Variants in AOPEP observed in about 807,000 individuals in gnomAD.
AOPEP encodes aminopeptidase O.
AOPEP carries 77 observed loss-of-function variants against 98.1 expected under a neutral mutation model. The observed-to-expected ratio is 0.78, with a 90% CI of 0.65 to 0.95. The LOEUF (loss-of-function observed/expected upper bound fraction) is 0.95, where lower values mean the gene tolerates loss of function less well. AOPEP is among the 40% of genes least tolerant of loss of function. AOPEP has a pLI of 0.00. For missense variants in AOPEP, 1,024 were observed against 1,024.7 expected (o/e 1.00, Z 0.01); for synonymous variants, 346 against 365.3 (o/e 0.95, Z 0.60).
chr9:95,108,250 T>C, the AOPEP span, among the ~76,000 whole-genome samples: 2 of 151,998 alleles, frequency 1.3e-5, no homozygotes, highest in African/African-American at 2.4e-5. Context: ...CGTGAGAAAC[T>C]GCACCATCGG....
chr9:94,963,706 A>G (rs996162508), intron 9 of AOPEP, among the ~76,000 whole-genome samples: 1 of 152,122 alleles, frequency 6.6e-6, no homozygotes, highest in Non-Finnish European at 1.5e-5. Context: ...ACTTTGTCAA[A>G]TTTTTCTAGA....
At chr9:94,998,378 T>C (rs1372100412) in intron 11 of AOPEP, among the ~76,000 whole-genome samples, 1 of 152,072 alleles carries the variant, frequency 6.6e-6, no homozygotes, top group African/African-American at 2.4e-5. Flanking sequence ...GGAAGCACTT[T>C]GTAAAGCCTT....
intron 5 of AOPEP, among the ~76,000 whole-genome samples, chr9:94,802,120 C>T (rs1357889689): frequency 2.0e-5 from 3 of 152,074 alleles, no homozygotes; most frequent in Non-Finnish European, 2.9e-5. Flanking sequence ...TATTTGGTTA[C>T]GTGCATCATA....
intron 1 of AOPEP, among the ~76,000 whole-genome samples, chr9:94,744,767 T>G (rs1834084955): frequency 6.6e-6 from 1 of 151,668 alleles, no homozygotes; most frequent in Non-Finnish European, 1.5e-5. Flanking sequence ...AATTATTTAG[T>G]TTAAATTATA....
At chr9:94,979,009 CTT>C (rs1464404674) in intron 10 of AOPEP, among the ~76,000 whole-genome samples, 1 of 152,114 alleles carries the variant, frequency 6.6e-6, no homozygotes, top group Non-Finnish European at 1.5e-5. Flanking sequence ...TCAGATTTCA[CTT>C]TGTTTCACTA....
intron 10 of AOPEP, among the ~76,000 whole-genome samples, 181 bp from the exon 11 acceptor site, chr9:94,979,186 C>T (rs542604801): frequency 2.6e-5 from 4 of 152,218 alleles, no homozygotes; most frequent in South Asian, 2.1e-4. Context: ...TGAAGAGGAG[C>T]GGTCTCATGT....
chr9:94,852,919 T>C (rs1158479693), intron 5 of AOPEP, among the ~76,000 whole-genome samples: 1 of 152,190 alleles, frequency 6.6e-6, no homozygotes, highest in African/African-American at 2.4e-5. Context: ...TTTTCATTGA[T>C]TATAGGTATT....
intron 5 of AOPEP, chr9:94,921,061 CTG>C (rs939244825): frequency 7.9e-6 from 1 of 126,342 alleles, no homozygotes; most frequent in African/African-American, 3.2e-5. Context: ...ATAATCAACT[CTG>C]TGATTTAAAA....
At chr9:95,055,190 T>C (rs2066718271) in intron 13 of AOPEP, among the ~76,000 whole-genome samples, 1 of 152,218 alleles carries the variant, frequency 6.6e-6, no homozygotes, top group Non-Finnish European at 1.5e-5. Flanking sequence ...TATGTGTATG[T>C]ATTATTAAGT....
chr9:94,862,389 G>A (rs529521629), intron 5 of AOPEP, among the ~76,000 whole-genome samples: 1 of 152,260 alleles, frequency 6.6e-6, no homozygotes, highest in East Asian at 1.9e-4. Flanking sequence ...TGGGGTGAAT[G>A]GGGAGGTAAA....
chr9:95,108,782 G>GTCTT, the AOPEP span, among the ~76,000 whole-genome samples: 15 of 152,222 alleles, frequency 9.9e-5, no homozygotes, highest in Admixed American at 6.5e-4. Flanking sequence ...TATACTTCTT[G>GTCTT]TCTTTTTTCT....
chr9:94,750,579 G>T (rs370170677), intron 1 of AOPEP, among the ~76,000 whole-genome samples: 1 of 151,644 alleles, frequency 6.6e-6, no homozygotes, highest in South Asian at 2.1e-4. Flanking sequence ...GCGAGACTCC[G>T]TCTCAAAAAA....
At chr9:94,805,208 A>G (rs1283074492) in intron 5 of AOPEP, among the ~76,000 whole-genome samples, 5 of 151,346 alleles carry the variant, frequency 3.3e-5, no homozygotes, top group East Asian at 3.9e-4. Flanking sequence ...TACCTATACC[A>G]TCTCCCGACT....
At chr9:94,736,311 A>G (rs532120251) in intron 1 of AOPEP, among the ~76,000 whole-genome samples, 1 of 152,252 alleles carries the variant, frequency 6.6e-6, no homozygotes, top group African/African-American at 2.4e-5. Context: ...TTTTCTTCAT[A>G]GCAGAACATT....
At position 94,803,259 on chromosome 9, in the gene AOPEP, C is replaced by T. The variant is rs1489464962; in HGVS notation, c.1364+2257C>T. 2.0e-5 allele frequency among the ~76,000 whole-genome samples: 3 copies of T among 152,192 alleles called. No homozygotes were observed. In the East Asian group the frequency reaches 5.8e-4, roughly 29 times the overall value. On this transcript the variant is annotated intron_variant, in intron 5 of 16. Coordinates refer to ENST00000375315, the MANE Select transcript of AOPEP (RefSeq NM_001193329.3). ...CTTTCCCGAGTCCATATTTTATAAACATGTATGCAAGATCGTAAATTCCAT... is the reference window on the plus strand; with the variant it reads ...CTTTCCCGAGTCCATATTTTATAAATATGTATGCAAGATCGTAAATTCCAT...
At chr9:94,898,921 C>T (rs535742429) in intron 5 of AOPEP, among the ~76,000 whole-genome samples, 6 of 151,912 alleles carry the variant, frequency 3.9e-5, no homozygotes, top group Middle Eastern at 3.4e-3. Flanking sequence ...CCAGCCTGGG[C>T]GACAGAGCGA....
intron 16 of AOPEP, among the ~76,000 whole-genome samples, chr9:95,084,266 T>C (rs1480341262): frequency 6.6e-6 from 1 of 152,230 alleles, no homozygotes; most frequent in African/African-American, 2.4e-5. Flanking sequence ...CATTTCTGTG[T>C]AACGTGTTTA....
At position 94,745,075 on chromosome 9, in the gene AOPEP, G is replaced by A. The variant is rs553932239; in HGVS notation, c.-135-14574G>A. ...AGCATTGATTATTTCCTTGTGTTACGAATATTCCAATCATACTCTCAGTTA... is the reference window on the plus strand; with the variant it reads ...AGCATTGATTATTTCCTTGTGTTACAAATATTCCAATCATACTCTCAGTTA... On this transcript the variant is annotated intron_variant, in intron 1 of 16. Coordinates refer to ENST00000375315, the MANE Select transcript of AOPEP (RefSeq NM_001193329.3). Among the ~76,000 whole-genome samples, 4 of 152,178 alleles carry A rather than the reference G, an allele frequency of 2.6e-5. No individual in the cohort carries two copies. In the East Asian group the frequency reaches 7.7e-4, roughly 29 times the overall value.
At chr9:94,865,989 A>T (rs1291857847) in intron 5 of AOPEP, among the ~76,000 whole-genome samples, 2 of 152,222 alleles carry the variant, frequency 1.3e-5, no homozygotes, top group African/African-American at 2.4e-5. Context: ...ATTTACAGAG[A>T]TGAGGGCCAT....
Sources: allele counts gnomAD v4.1 joint callset (sites outside exome capture counted in the v4.1 genomes callset), GRCh38; gene constraint gnomAD v4.1.1; transcripts MANE v1.5; gene names NCBI Gene and HGNC (gene_info 2026-07-23, HGNC 2026-07-21).